The following ITSN1 variants were observed in gnomAD, a reference collection of about 807,000 sequenced individuals.
The protein encoded by ITSN1 is intersectin 1.
Under a neutral mutation model 239.8 loss-of-function variants are expected in ITSN1, and 58 were observed. That is an observed-to-expected ratio of 0.24 (90% CI 0.20 to 0.30). ITSN1 has a LOEUF of 0.30. ITSN1 is among the 10% of genes least tolerant of loss of function. The pLI is 1.00. For synonymous variants in ITSN1, 780 were observed against 770.8 expected (o/e 1.01, Z -0.20); for missense variants, 1,558 against 2,103.3 (o/e 0.74, Z 5.07).
Position 33,774,958 on chromosome 21 carries a change from T to C in ITSN1, c.1456-10T>C, listed in dbSNP as rs2069481670. ...CAGTAATAATTTTTATTATCTTTCATTTGTTCAAGAATGATAAAAAGCATC... is the reference window on the plus strand; with the variant it reads ...CAGTAATAATTTTTATTATCTTTCACTTGTTCAAGAATGATAAAAAGCATC... On this transcript the variant is annotated splice_polypyrimidine_tract_variant and intron_variant, in intron 13 of 39. Coordinates refer to ENST00000381318, the MANE Select transcript of ITSN1 (RefSeq NM_003024.3). 1 of 1,605,784 alleles carries C rather than the reference T, an allele frequency of 6.2e-7. No homozygotes were observed. The highest frequency in any genetic ancestry group is 1.7e-5 in the Admixed American group (1 of 58,232).
rs1321436102 is a variant in ITSN1, at chr21:33,797,078, G to A, written c.1953-301G>A. 6.6e-6 allele frequency among the ~76,000 whole-genome samples: 1 copy of A among 152,152 alleles called. No individual in the cohort carries two copies. Among genetic ancestry groups the A allele is most frequent in the Non-Finnish European group, 1.5e-5 (1 of 68,028 alleles). ...TATTTTTATAGAAGTTATGTTCTCT[G>A]TGTTTTATGGCTTTGTTTGTTTGTT... On this transcript the variant is annotated intron_variant, in intron 17 of 39. Coordinates refer to ENST00000381318, the MANE Select transcript of ITSN1 (RefSeq NM_003024.3). The surrounding 1 kb of genome is among the most constrained non-coding windows in gnomAD (Gnocchi z 4.9).
rs114812479 is a variant in ITSN1, at chr21:33,717,981, G to A, written c.-32-816G>A. 3.1e-3 allele frequency among the ~76,000 whole-genome samples: 465 copies of A among 152,248 alleles called. 3 individuals are homozygous for A. Among genetic ancestry groups the A allele is most frequent in the African/African-American group, 0.011 (437 of 41,526 alleles). ...TTTTGGAGCATTAGATTTGTGTTTG[G>A]TAGTCTGGGACAGATGTTAGTGTAA... On this transcript the variant is annotated intron_variant, in intron 1 of 39. Coordinates refer to ENST00000381318, the MANE Select transcript of ITSN1 (RefSeq NM_003024.3).
chr21:33,700,337 G>A (rs2091955965), intron 1 of ITSN1, among the ~76,000 whole-genome samples: 2 of 151,706 alleles, frequency 1.3e-5, no homozygotes, highest in African/African-American at 4.8e-5. Flanking sequence ...CACCTGCCTC[G>A]GCTTCCCAAA....
At chr21:33,653,922 C>T (rs1281459946) in intron 1 of ITSN1, among the ~76,000 whole-genome samples, 2 of 152,152 alleles carry the variant, frequency 1.3e-5, no homozygotes, top group Non-Finnish European at 2.9e-5. Context: ...TCCCAAAGTG[C>T]TGAGATTATA....
intron 33 of ITSN1, among the ~76,000 whole-genome samples, chr21:33,873,902 T>C (rs1232249991): frequency 6.6e-6 from 1 of 151,428 alleles, no homozygotes; most frequent in Non-Finnish European, 1.5e-5. Context: ...GGCTCGCGCC[T>C]GTAATCCCAG....
chr21:33,857,115 T>C (rs2282469), intron 30 of ITSN1, among the ~76,000 whole-genome samples: 39,357 of 152,072 alleles, frequency 0.26, 5,713 homozygotes, highest in South Asian at 0.43. Context: ...GAGCAGTTGA[T>C]GGATGGAGTC....
chr21:33,742,214 G>A (rs1041469204), intron 5 of ITSN1, among the ~76,000 whole-genome samples: 8 of 151,840 alleles, frequency 5.3e-5, no homozygotes, highest in Non-Finnish European at 7.4e-5. Context: ...GTGCCACCAC[G>A]CCTGGCTAAT....
intron 27 of ITSN1, among the ~76,000 whole-genome samples, chr21:33,832,385 A>AT (rs1461015360): frequency 6.6e-6 from 1 of 152,150 alleles, no homozygotes; most frequent in African/African-American, 2.4e-5. Flanking sequence ...TTACTTCCAC[A>AT]TGTAGCTGAC....
intron 28 of ITSN1, 79 bp downstream of exon 28, chr21:33,834,503 T>C: frequency 9.9e-7 from 1 of 1,012,160 alleles, no homozygotes. Flanking sequence ...TCATTAAATA[T>C]CTTAGGTTGT....
At chr21:33,727,775 T>C (rs756281667) in intron 4 of ITSN1, among the ~76,000 whole-genome samples, 28 of 151,972 alleles carry the variant, frequency 1.8e-4, no homozygotes, top group Non-Finnish European at 2.9e-4. Context: ...GATTTCCCTC[T>C]TTTCTTCACC....
chr21:33,781,667 G>A (rs915927955), intron 15 of ITSN1, 119 bp downstream of exon 15: 18 of 611,564 alleles, frequency 2.9e-5, no homozygotes, highest in East Asian at 9.4e-5. Context: ...TGTAACCTCC[G>A]CCTCCCGGGT....
At chr21:33,685,773 T>G (rs2091207993) in intron 1 of ITSN1, among the ~76,000 whole-genome samples, 1 of 152,210 alleles carries the variant, frequency 6.6e-6, no homozygotes, top group Non-Finnish European at 1.5e-5. Context: ...CCTTTTGTCC[T>G]TTGAGGGAGG....
intron 22 of ITSN1, chr21:33,817,848 A>C: frequency 3.0e-6 from 1 of 338,254 alleles, no homozygotes; most frequent in Non-Finnish European, 5.4e-6. Context: ...TAATGATCTC[A>C]TGATAGTTCA....
chr21:33,802,935 AAAGG>A (rs2072119422), intron 20 of ITSN1, among the ~76,000 whole-genome samples: 1 of 152,258 alleles, frequency 6.6e-6, no homozygotes, highest in South Asian at 2.1e-4. Context: ...AGGGTTACAT[AAAGG>A]GTTACCCCTG....
At chr21:33,682,676 C>G (rs2146540690) in intron 1 of ITSN1, among the ~76,000 whole-genome samples, 1 of 152,180 alleles carries the variant, frequency 6.6e-6, no homozygotes, top group African/African-American at 2.4e-5. Flanking sequence ...TACAGGTGTG[C>G]ACCACCACAC....
rs2298680 is a variant in ITSN1 at position 33,875,165 on chromosome 21, G to C, written c.4174-189G>C. On this transcript the variant is annotated intron_variant, in intron 33 of 39. Coordinates refer to ENST00000381318, the MANE Select transcript of ITSN1 (RefSeq NM_003024.3). ...GCTTCCCGCAATGCCACCCACTGGAGCCATCAAGGAGTGGCCGTCATCTGC... is the reference window on the plus strand; with the variant it reads ...GCTTCCCGCAATGCCACCCACTGGACCCATCAAGGAGTGGCCGTCATCTGC... Among the ~76,000 whole-genome samples the C allele has an allele frequency of 0.062, 9,510 of 152,194 alleles. 399 individuals are homozygous for C. The highest frequency in any genetic ancestry group is 0.092 in the East Asian group (476 of 5,166).
intron 1 of ITSN1, among the ~76,000 whole-genome samples, chr21:33,717,057 A>T (rs1039692628): frequency 1.3e-5 from 2 of 152,208 alleles, no homozygotes; most frequent in African/African-American, 2.4e-5. Context: ...TTGGAAATTT[A>T]AAAATGTGAT....
chr21:33,845,512 C>T (rs144486381), intron 29 of ITSN1, among the ~76,000 whole-genome samples: 12 of 152,226 alleles, frequency 7.9e-5, no homozygotes, highest in African/African-American at 2.6e-4. Context: ...ATAAAAGACC[C>T]GAATCTACTT....
rs1265442018 is a variant in ITSN1, at chr21:33,824,497, A to G, written c.3183+844A>G. Among the ~76,000 whole-genome samples, 3 of 151,924 alleles carry G rather than the reference A, an allele frequency of 2.0e-5. No individual in the cohort carries two copies. In the East Asian group the frequency reaches 5.8e-4, roughly 29 times the overall value. The stretch of plus-strand genomic sequence containing the variant: ...ACAGTTATTTTCTTTTTCTCCTCAT[A>G]CCTCCTAGGTACTGAGAGAGAAAAG... On this transcript the variant is annotated intron_variant, in intron 25 of 39. Transcript: ENST00000381318.
Sources: gnomAD v4.1 joint callset for allele counts (sites outside exome capture counted in the v4.1 genomes callset) on GRCh38, gnomAD v4.1.1 for gene constraint, Gnocchi (gnomAD v3.1) non-coding constraint, MANE v1.5 for transcripts, NCBI Gene and HGNC (gene_info 2026-07-23, HGNC 2026-07-21) for gene names.